SMG6: variants seen among roughly 807,000 people sequenced by gnomAD.
SMG6 encodes SMG6 nonsense mediated mRNA decay factor.
SMG6 carries 66 observed loss-of-function variants against 142.2 expected under a neutral mutation model. The observed-to-expected ratio is 0.46, with a 90% CI of 0.38 to 0.57. The LOEUF is 0.57. SMG6 is among the 20% of genes least tolerant of loss of function. The pLI is 0.00. For missense variants in SMG6, 1,793 were observed against 1,832.0 expected (o/e 0.98, Z 0.39); for synonymous variants, 779 against 702.4 (o/e 1.11, Z -1.72).
At chr17:2,211,407 G>A (rs573931885) in intron 10 of SMG6, among the ~76,000 whole-genome samples, 186 of 152,284 alleles carry the variant, frequency 1.2e-3, no homozygotes, top group African/African-American at 4.4e-3. Context: ...GCTCACGCCT[G>A]TAATCCCAGC....
At chr17:2,067,390 G>A (rs1377997192) in intron 16 of SMG6, among the ~76,000 whole-genome samples, 1 of 152,130 alleles carries the variant, frequency 6.6e-6, no homozygotes, top group Admixed American at 6.5e-5. Flanking sequence ...CTCTTAGGGG[G>A]CTCCTGAGAT....
At chr17:2,127,312 T>C (rs376746534) in intron 13 of SMG6, 1 of 432,830 alleles carries the variant, frequency 2.3e-6, no homozygotes. Flanking sequence ...TGGAAATGGA[T>C]AGTAGTGATG....
At chr17:2,089,941 T>C (rs1433546463) in intron 13 of SMG6, among the ~76,000 whole-genome samples, 1 of 152,030 alleles carries the variant, frequency 6.6e-6, no homozygotes, top group East Asian at 1.9e-4. Context: ...GTCAGCACTT[T>C]GGGAGGCCAA....
intron 10 of SMG6, among the ~76,000 whole-genome samples, chr17:2,208,242 C>T (rs560234162): frequency 6.6e-6 from 1 of 152,274 alleles, no homozygotes; most frequent in Non-Finnish European, 1.5e-5. Context: ...TTCTCCTACC[C>T]CCACTCTCCA....
chr17:2,236,732 C>T, intron 9 of SMG6, 95 bp from the exon 10 acceptor site: 1 of 1,374,110 alleles, frequency 7.3e-7, no homozygotes, highest in Non-Finnish European at 9.6e-7. Context: ...CACACACACA[C>T]ACACACACAC....
intron 13 of SMG6, among the ~76,000 whole-genome samples, chr17:2,126,305 G>T (rs1049498405): frequency 6.6e-6 from 1 of 151,952 alleles, no homozygotes; most frequent in Non-Finnish European, 1.5e-5. Context: ...AATTCAAAAT[G>T]GATCAAAGAC....
At chr17:2,109,395 C>G (rs1255902616) in intron 13 of SMG6, among the ~76,000 whole-genome samples, 2 of 152,100 alleles carry the variant, frequency 1.3e-5, no homozygotes, top group African/African-American at 4.8e-5. Flanking sequence ...TCGTAAGTAG[C>G]TGTGATTATA....
intron 10 of SMG6, chr17:2,229,267 G>A (rs1453142721): frequency 6.6e-6 from 1 of 152,086 alleles, no homozygotes; most frequent in Non-Finnish European, 1.5e-5. Context: ...ATTTGTTGTA[G>A]CCCCACCTGA....
intron 13 of SMG6, among the ~76,000 whole-genome samples, chr17:2,136,729 C>CTT (rs80007193): frequency 7.0e-6 from 1 of 141,978 alleles, no homozygotes. Flanking sequence ...CCTTTTTTTC[C>CTT]TTTTTTTTTT....
At chr17:2,152,198 C>A (rs185433804) in intron 13 of SMG6, among the ~76,000 whole-genome samples, 1 of 152,238 alleles carries the variant, frequency 6.6e-6, no homozygotes, top group East Asian at 1.9e-4. Flanking sequence ...GGAGAAAGAA[C>A]TGAAAAAAGC....
intron 8 of SMG6, among the ~76,000 whole-genome samples, chr17:2,271,883 T>C (rs922520735): frequency 6.6e-6 from 1 of 152,178 alleles, no homozygotes; most frequent in Admixed American, 6.5e-5. Context: ...TCTAAAAGAA[T>C]AGCCCTTCAA....
intron 10 of SMG6, among the ~76,000 whole-genome samples, chr17:2,193,458 G>A (rs1262587422): frequency 6.6e-6 from 1 of 152,172 alleles, no homozygotes; most frequent in Non-Finnish European, 1.5e-5. Flanking sequence ...CAAGACAGAA[G>A]AAGGTGGAAG....
At chr17:2,186,573 G>A in intron 12 of SMG6, 90 bp downstream of exon 12, 1 of 1,459,416 alleles carries the variant, frequency 6.9e-7, no homozygotes. Context: ...GCTGTGGGCA[G>A]AAAGAAACAG....
At chr17:2,127,737 C>A (rs533494537) in intron 13 of SMG6, 53 of 560,942 alleles carry the variant, frequency 9.4e-5, no homozygotes, top group Non-Finnish European at 1.6e-4. Flanking sequence ...CTTGTTTTAA[C>A]TGATGTAGTT....
chr17:2,222,718 G>A (rs1238978863), intron 10 of SMG6, among the ~76,000 whole-genome samples: 1 of 151,824 alleles, frequency 6.6e-6, no homozygotes, highest in East Asian at 1.9e-4. Context: ...GAGAGGTAAG[G>A]GGTACAAAAA....
At chr17:2,219,803 C>CAAAAAA (rs72234069) in intron 10 of SMG6, among the ~76,000 whole-genome samples, 3 of 118,088 alleles carry the variant, frequency 2.5e-5, no homozygotes, top group South Asian at 2.7e-4. Flanking sequence ...GACCCTTTAT[C>CAAAAAA]AAAAAAAAAA....
intron 15 of SMG6, chr17:2,072,768 G>A (rs1025096585): frequency 1.1e-4 from 16 of 152,180 alleles, no homozygotes; most frequent in Middle Eastern, 3.2e-3. Context: ...TAGGGAGTGC[G>A]GCTGCTTCCT....
At chr17:2,082,892 T>C (rs2068462418) in intron 14 of SMG6, among the ~76,000 whole-genome samples, 1 of 152,194 alleles carries the variant, frequency 6.6e-6, no homozygotes, top group African/African-American at 2.4e-5. Flanking sequence ...ACTTACTGAG[T>C]GCTTATTACT....
chr17:2,119,674 T>A (rs898589209), intron 13 of SMG6, among the ~76,000 whole-genome samples: 5 of 151,942 alleles, frequency 3.3e-5, no homozygotes, highest in Non-Finnish European at 7.4e-5. Context: ...TAATTTATTT[T>A]TTTTTGAGAC....
Sources: gnomAD v4.1 joint callset for allele counts (sites outside exome capture counted in the v4.1 genomes callset) on GRCh38, gnomAD v4.1.1 for gene constraint, MANE v1.5 for transcripts, NCBI Gene and HGNC (gene_info 2026-07-23, HGNC 2026-07-21) for gene names.